Variants in ST18 observed in about 807,000 individuals in gnomAD.
ST18 encodes suppression of tumorigenicity 18 protein.
Under a neutral mutation model 110.0 loss-of-function variants are expected in ST18, and 50 were observed. The observed-to-expected ratio is 0.45, with a 90% CI of 0.36 to 0.58. The LOEUF (loss-of-function observed/expected upper bound fraction) is 0.58, where lower values mean the gene tolerates loss of function less well. Ranked by LOEUF, ST18 falls within the 20% of genes least tolerant of loss-of-function variation. The probability of loss-of-function intolerance (pLI) is 0.00; values close to 1 mark genes in which losing one functional copy is unlikely to be tolerated. For synonymous variants in ST18, 461 were observed against 452.4 expected, an observed-to-expected ratio of 1.02 and a Z score of -0.24; for missense variants, 1,306 against 1,280.1, an observed-to-expected ratio of 1.02 and a Z score of -0.31.
intron 2 of ST18, among the ~76,000 whole-genome samples, chr8:52,387,746 C>A (rs1027761980): frequency 6.6e-6 from 1 of 152,056 alleles, no homozygotes; most frequent in Non-Finnish European, 1.5e-5. Context: ...GACTTGCCTG[C>A]CAGGAATGTC....
intron 2 of ST18, chr8:52,405,604 T>TG (rs1844197150): frequency 6.6e-6 from 1 of 152,216 alleles, no homozygotes; most frequent in Admixed American, 6.5e-5. Flanking sequence ...TGTATTAATT[T>TG]TAATAACACA....
intron 2 of ST18, among the ~76,000 whole-genome samples, chr8:52,241,727 T>C (rs977526650): frequency 6.6e-6 from 1 of 152,276 alleles, no homozygotes; most frequent in African/African-American, 2.4e-5. Context: ...GTTACGTTTT[T>C]GACTTCACTG....
chr8:52,337,846 T>A (rs16917723), intron 2 of ST18, among the ~76,000 whole-genome samples: 3,574 of 152,268 alleles, frequency 0.023, 129 homozygotes, highest in African/African-American at 0.08. Flanking sequence ...AGAATGGCTG[T>A]GTGAATAATT....
At chr8:52,245,307 A>G (rs2093754381) in intron 2 of ST18, among the ~76,000 whole-genome samples, 1 of 152,054 alleles carries the variant, frequency 6.6e-6, no homozygotes, top group South Asian at 2.1e-4. Flanking sequence ...AATACTGTTT[A>G]TTCTATTTAA....
At chr8:52,253,065 A>G (rs2138402157) in intron 2 of ST18, among the ~76,000 whole-genome samples, 1 of 151,622 alleles carries the variant, frequency 6.6e-6, no homozygotes, top group South Asian at 2.1e-4. Context: ...TGGATTTTGC[A>G]GTATTAGCTG....
In ST18 at chr8:52,126,061, C is replaced by T. The variant is rs2046950648; in HGVS notation, c.2746G>A (p.Ala916Thr). The change falls in exon 23 of 26, where the codon GCA becomes ACA. Residue 916 changes from alanine (A) to threonine (T), a missense_variant. Transcript: ENST00000689386. ...SEELMTIKLKATGGIESDEEI... is the reference protein window; with the variant it reads ...SEELMTIKLKTTGGIESDEEI... ...AGCCCTGTGCTCTTACCCCCAGTTG[C>T]TTTGAGCTTGATGGTCATGAGTTCT... is the stretch of plus-strand genomic sequence containing the variant. 4 of 1,614,036 alleles carry T rather than the reference C, an allele frequency of 2.5e-6. No individual in the cohort carries two copies. Among genetic ancestry groups the T allele is most frequent in the Non-Finnish European group, 3.4e-6 (4 of 1,179,972 alleles).
chr8:52,286,915 C>T (rs1273166238), intron 2 of ST18, among the ~76,000 whole-genome samples: 4 of 151,934 alleles, frequency 2.6e-5, no homozygotes, highest in African/African-American at 9.7e-5. Flanking sequence ...TGTGATTTAA[C>T]CAACCCACCA....
At chr8:52,277,181 G>T (rs911537348) in intron 2 of ST18, among the ~76,000 whole-genome samples, 1 of 152,222 alleles carries the variant, frequency 6.6e-6, no homozygotes, top group Non-Finnish European at 1.5e-5. Context: ...CTCGGGAGCC[G>T]CAGGAAGCGC....
intron 2 of ST18, among the ~76,000 whole-genome samples, chr8:52,400,709 C>G (rs1410844500): frequency 4.0e-5 from 6 of 151,220 alleles, no homozygotes; most frequent in Non-Finnish European, 8.8e-5. Flanking sequence ...GACTTTTAAC[C>G]TCTCCCCTGT....
At chr8:52,165,713 G>A (rs1008644691) in intron 11 of ST18, among the ~76,000 whole-genome samples, 6 of 152,226 alleles carry the variant, frequency 3.9e-5, no homozygotes, top group African/African-American at 1.4e-4. Flanking sequence ...AAGTATGGTT[G>A]AGCGAAGAGC....
Position 52,143,095 on chromosome 8 carries a change from C to A in ST18, c.2053-50G>T, listed in dbSNP as rs757430586. On this transcript the variant is annotated intron_variant, in intron 16 of 25. Coordinates refer to ENST00000689386, the MANE Select transcript of ST18 (RefSeq NM_001352837.2). ...AAAACACAGAAGCCATTAGGGAACCCTGGAAAGACAACTAGATTTAAAATC... is the reference window on the plus strand; with the variant it reads ...AAAACACAGAAGCCATTAGGGAACCATGGAAAGACAACTAGATTTAAAATC... 2.5e-6 allele frequency: 3 copies of A among 1,193,998 alleles called. No homozygotes were observed. In the East Asian group the frequency reaches 7.0e-5, roughly 28 times the overall value. 74.0% of individuals were successfully genotyped at this position (1,193,998 alleles called of 1,614,324 possible). A position where few individuals can be genotyped will look rare whatever the true frequency, so the allele number is the denominator to read the frequency against.
intron 2 of ST18, among the ~76,000 whole-genome samples, chr8:52,402,112 A>C (rs1163698429): frequency 6.6e-6 from 1 of 152,106 alleles, no homozygotes; most frequent in Non-Finnish European, 1.5e-5. Context: ...AGTTTGTGGC[A>C]GTGGTGGTGG....
intron 2 of ST18, among the ~76,000 whole-genome samples, chr8:52,306,437 G>A (rs968132202): frequency 1.3e-4 from 20 of 152,024 alleles, no homozygotes; most frequent in African/African-American, 2.4e-4. Flanking sequence ...GAAGACGTGC[G>A]GTGAGTTTGT....
intron 22 of ST18, 33 bp downstream of exon 22, chr8:52,131,925 C>A: frequency 6.2e-7 from 1 of 1,608,928 alleles, no homozygotes; most frequent in Non-Finnish European, 8.5e-7. Context: ...CCGATCACAA[C>A]ACTACAACAA....
At chr8:52,285,055 C>T (rs1354900879) in intron 2 of ST18, among the ~76,000 whole-genome samples, 5 of 152,162 alleles carry the variant, frequency 3.3e-5, no homozygotes, top group East Asian at 1.9e-4. Context: ...TAACTTATCA[C>T]TGGAAGGTGT....
intron 2 of ST18, among the ~76,000 whole-genome samples, chr8:52,303,464 G>A (rs1001624028): frequency 6.6e-6 from 1 of 152,190 alleles, no homozygotes; most frequent in East Asian, 1.9e-4. Flanking sequence ...ATTTCCAAAG[G>A]TATGTGCGTG....
rs186488223 is a variant in ST18, at chr8:52,157,833, C to T, written c.1806+1065G>A. Among the ~76,000 whole-genome samples the T allele has an allele frequency of 3.3e-5, 5 of 152,382 alleles. No homozygotes were observed. In the East Asian group the frequency reaches 9.6e-4, roughly 29 times the overall value. On this transcript the variant is annotated intron_variant, in intron 15 of 25. Transcript: ENST00000689386. ...TCCTGAAGGCCTGGCACAGCACAGG[C>T]AGCAGCTGACCATGCCGGGGACCGG...
At chr8:52,330,772 A>G (rs1031677741) in intron 2 of ST18, among the ~76,000 whole-genome samples, 1 of 152,218 alleles carries the variant, frequency 6.6e-6, no homozygotes, top group Admixed American at 6.5e-5. Flanking sequence ...TGTCTGGGCA[A>G]TGGGCTAAGA....
rs917477702 is a variant in ST18, at chr8:52,111,648, G to A, written c.*1550C>T. 6.6e-6 allele frequency: 1 copy of A among 152,536 alleles called. No homozygotes were observed. The highest frequency in any genetic ancestry group is 2.4e-5 in the African/African-American group (1 of 41,402). The allele number at this position is 152,536 out of a possible 1,614,324, so 9.4% of individuals were successfully genotyped here. A position where few individuals can be genotyped will look rare whatever the true frequency, so the allele number is the denominator to read the frequency against. ...CATCACTTTCCATCTAAATATCCAT[G>A]AGGTTAATAAAAAATAAACACTTTT... is the stretch of plus-strand genomic sequence containing the variant. On this transcript the variant is annotated 3_prime_UTR_variant, in exon 26 of 26. Coordinates refer to ENST00000689386, the MANE Select transcript of ST18 (RefSeq NM_001352837.2).
Sources: allele counts gnomAD v4.1 joint callset (sites outside exome capture counted in the v4.1 genomes callset), GRCh38; gene constraint gnomAD v4.1.1; transcripts MANE v1.5; gene names NCBI Gene and HGNC (gene_info 2026-07-23, HGNC 2026-07-21).